The following DUS2 variants were observed in gnomAD, a reference collection of about 807,000 sequenced individuals.
DUS2 encodes tRNA-dihydrouridine(20) synthase [NAD(P)+]-like.
In DUS2, 52 loss-of-function variants were observed where a neutral mutation model predicts 71.3. That is an observed-to-expected ratio of 0.73 (90% CI 0.58 to 0.92). The LOEUF is 0.92. Among genes scored for constraint, DUS2 ranks in the 40% least tolerant of loss-of-function variants. The probability of loss-of-function intolerance (pLI) is 0.00; values close to 1 mark genes in which losing one functional copy is unlikely to be tolerated. For missense variants in DUS2, 558 were observed against 622.6 expected (o/e 0.90, Z 1.10); for synonymous variants, 204 against 227.8 (o/e 0.90, Z 0.94).
chr16:68,024,708 G>C (rs1001226438), intron 1 of DUS2, among the ~76,000 whole-genome samples: 2 of 152,130 alleles, frequency 1.3e-5, no homozygotes, highest in Non-Finnish European at 2.9e-5. Context: ...AAAATATCTG[G>C]AAGTAGGAAG....
chr16:68,059,176 G>A (rs2033903818), intron 7 of DUS2, among the ~76,000 whole-genome samples: 1 of 152,054 alleles, frequency 6.6e-6, no homozygotes, highest in African/African-American at 2.4e-5. Context: ...TCACGCCACT[G>A]CAGTCCACCC....
Position 68,075,467 on chromosome 16 carries a change from A to T in DUS2, c.1045A>T (p.Thr349Ser). Residue 349 changes from threonine to serine, a missense_variant, in exon 14 of 17, where the codon ACC becomes TCC. Physicochemically the swap from Thr to Ser is moderately conservative, Grantham distance 58. Transcript: ENST00000565263. ...SEQTGEPAEDTSGVIKMAVKF... is the reference protein window; with the variant it reads ...SEQTGEPAEDSSGVIKMAVKF... ...GCAGACAGGGGAGCCAGCTGAAGAT[A>T]CCTCTGGTGTCATTAAGATGGCTGT... 1 of 1,613,382 alleles carries T rather than the reference A, an allele frequency of 6.2e-7. No individual in the cohort carries two copies. The highest frequency in any genetic ancestry group is 8.5e-7 in the Non-Finnish European group (1 of 1,179,686).
In DUS2 at chr16:68,078,788, C is replaced by T. The variant is rs367570722; in HGVS notation, c.1284C>T (p.Ile428=). The T allele has an allele frequency of 8.7e-6, 14 of 1,612,142 alleles. No individual in the cohort carries two copies. The highest frequency in any genetic ancestry group is 6.7e-5 in the East Asian group (3 of 44,838). The stretch of plus-strand genomic sequence containing the variant: ...AACTGGCGGAGCAGGCTGCAGCCAT[C>T]GTCTGTCTGCGGAGCCAGGGCCTCC... The part of the protein sequence containing the change: ...SKKLAEQAAA[I]VCLRSQGLPE... Residue 428 remains isoleucine, a synonymous_variant, in exon 17 of 17, where the codon ATC becomes ATT. Coordinates refer to ENST00000565263, the MANE Select transcript of DUS2 (RefSeq NM_017803.5).
At chr16:68,052,711 C>A (rs760633077) in intron 4 of DUS2, among the ~76,000 whole-genome samples, 4 of 151,324 alleles carry the variant, frequency 2.6e-5, no homozygotes, top group Non-Finnish European at 5.9e-5. Context: ...GGCGCGATCT[C>A]AGCTCACTGC....
intron 2 of DUS2, among the ~76,000 whole-genome samples, chr16:68,027,461 T>C (rs2033368384): frequency 6.6e-6 from 1 of 152,246 alleles, no homozygotes; most frequent in South Asian, 2.1e-4. Flanking sequence ...TGGTCTGGTC[T>C]CAAACTCCCG....
In DUS2 at chr16:68,066,345, G is replaced by C; in HGVS notation, c.446G>C (p.Arg149Pro). The change falls in exon 9 of 17, where the codon CGC (arginine) becomes CCC (proline). Residue 149 changes from arginine (R) to proline (P), a missense_variant. Arg to Pro is a moderately radical substitution (Grantham distance 103). Coordinates refer to ENST00000565263, the MANE Select transcript of DUS2 (RefSeq NM_017803.5). ...KILSTLVKGT[R>P]RPVTCKIRIL... ...CTCAGCACTCTTGTTAAAGGGACAC[G>C]CAGACCTGTGACCTGCAAGATTCGC... The C allele has an allele frequency of 6.2e-7, 1 of 1,614,182 alleles. No homozygotes were observed. The highest frequency in any genetic ancestry group is 1.7e-5 in the Admixed American group (1 of 60,018).
intron 3 of DUS2, among the ~76,000 whole-genome samples, chr16:68,044,918 G>A (rs1476088482): frequency 3.3e-5 from 5 of 152,004 alleles, no homozygotes; most frequent in Admixed American, 3.3e-4. Flanking sequence ...TCAGCCTCGC[G>A]AGTAGCTGGG....
At chr16:68,076,611 T>A (rs1297652871) in intron 14 of DUS2, 21 bp from the exon 15 acceptor site, 1 of 1,600,990 alleles carries the variant, frequency 6.2e-7, no homozygotes, top group African/African-American at 1.3e-5. Context: ...TGACCCCAAC[T>A]GCTTCCCTTC....
intron 7 of DUS2, among the ~76,000 whole-genome samples, chr16:68,060,718 C>T (rs1806692708): frequency 6.6e-6 from 1 of 152,108 alleles, no homozygotes; most frequent in Non-Finnish European, 1.5e-5. Flanking sequence ...TGTGGTTGTG[C>T]ATGCCTGCAA....
chr16:68,035,882 TTTTATA>T, intron 2 of DUS2, among the ~76,000 whole-genome samples: 1 of 75,218 alleles, frequency 1.3e-5, no homozygotes, highest in South Asian at 5.2e-4. Flanking sequence ...ATCCCGCTAA[TTTTATA>T]TATATATATA....
intron 3 of DUS2, among the ~76,000 whole-genome samples, chr16:68,039,053 A>G (rs565778946): frequency 1.3e-5 from 2 of 152,080 alleles, no homozygotes; most frequent in South Asian, 2.1e-4. Context: ...TAAAAATATA[A>G]AAAATGTACA....
At chr16:68,077,109 C>G (rs961452269) in intron 15 of DUS2, among the ~76,000 whole-genome samples, 2 of 151,878 alleles carry the variant, frequency 1.3e-5, no homozygotes, top group African/African-American at 2.4e-5. Flanking sequence ...CAAAAATTAG[C>G]TGGACATGGT....
At chr16:68,065,858 C>A (rs2033998090) in intron 8 of DUS2, among the ~76,000 whole-genome samples, 1 of 149,110 alleles carries the variant, frequency 6.7e-6, no homozygotes, top group Non-Finnish European at 1.5e-5. Flanking sequence ...CAGAATGATT[C>A]TGAGGACGGG....
chr16:68,055,916 A>G (rs192727934), intron 6 of DUS2, among the ~76,000 whole-genome samples: 229 of 151,686 alleles, frequency 1.5e-3, no homozygotes, highest in Middle Eastern at 3.4e-3. Context: ...GACATCTAAG[A>G]ATTGTTTGGA....
At chr16:68,060,951 C>G in intron 7 of DUS2, 115 bp from the exon 8 acceptor site, 1 of 928,834 alleles carries the variant, frequency 1.1e-6, no homozygotes, top group Admixed American at 2.0e-5. Context: ...TGCCAGTGGG[C>G]CTTGGTCCCT....
chr16:68,076,545 G>C (rs2034158678), intron 14 of DUS2, 87 bp from the exon 15 acceptor site: 1 of 990,592 alleles, frequency 1.0e-6, no homozygotes, highest in East Asian at 2.5e-5. Context: ...CATTTCTGCA[G>C]CTCCTTTCAG....
intron 2 of DUS2, among the ~76,000 whole-genome samples, chr16:68,037,761 G>A (rs2033554542): frequency 6.6e-6 from 1 of 152,024 alleles, no homozygotes; most frequent in African/African-American, 2.4e-5. Flanking sequence ...TTAGCCGGTC[G>A]TGGTGGCAGA....
intron 9 of DUS2, 70 bp downstream of exon 9, chr16:68,066,452 T>G (rs974757607): frequency 5.0e-5 from 80 of 1,592,044 alleles, no homozygotes; most frequent in Admixed American, 8.3e-5. Flanking sequence ...TGTGAACGAT[T>G]CTTGAGGTGC....
chr16:68,049,904 T>TAGTTCCTTTATCTGTAAAATGAAATCA (rs1393082394), intron 4 of DUS2, among the ~76,000 whole-genome samples: 1 of 152,222 alleles, frequency 6.6e-6, no homozygotes, highest in Non-Finnish European at 1.5e-5. Flanking sequence ...CTGTCTGCCT[T>TAGTTCCTTTATCTGTAAAATGAAATCA]AGTTCCTTTA....
Sources: gnomAD v4.1 joint callset for allele counts (sites outside exome capture counted in the v4.1 genomes callset) on GRCh38, gnomAD v4.1.1 for gene constraint, MANE v1.5 for transcripts, NCBI Gene and HGNC (gene_info 2026-07-23, HGNC 2026-07-21) for gene names.